The following NF1 variants were observed in gnomAD, a reference collection of about 807,000 sequenced individuals.
NF1 encodes the protein neurofibromin 1, also known as neurofibromin.
NF1 carries 122 observed loss-of-function variants against 325.7 expected under a neutral mutation model. That is an observed-to-expected ratio of 0.37 (90% CI 0.32 to 0.44). The LOEUF is 0.44. Ranked by LOEUF, NF1 falls within the 20% of genes least tolerant of loss-of-function variation. NF1 has a pLI of 1.00. For missense variants in NF1, 2,140 were observed against 3,415.4 expected (o/e 0.63, Z 9.31); for synonymous variants, 1,091 against 1,186.0 (o/e 0.92, Z 1.65).
intron 36 of NF1, among the ~76,000 whole-genome samples, chr17:31,282,227 A>G (rs1960756953): frequency 6.6e-6 from 1 of 151,846 alleles, no homozygotes; most frequent in African/African-American, 2.4e-5. Flanking sequence ...CTAAAAATAC[A>G]AAAAATCAGC....
At chr17:31,313,844 A>G (rs1268890412) in intron 36 of NF1, 5 of 389,152 alleles carry the variant, frequency 1.3e-5, no homozygotes, top group East Asian at 3.7e-5. Context: ...TTTTAATTCT[A>G]TGCAACAAAA....
intron 29 of NF1, among the ~76,000 whole-genome samples, chr17:31,243,102 C>G (rs1305115569): frequency 6.6e-6 from 1 of 152,098 alleles, no homozygotes; most frequent in Admixed American, 6.5e-5. Context: ...GGAGAATTCC[C>G]TGGGTTATCA....
chr17:31,305,982 G>T, intron 36 of NF1, among the ~76,000 whole-genome samples: 1 of 152,046 alleles, frequency 6.6e-6, no homozygotes, highest in East Asian at 1.9e-4. Flanking sequence ...CTATATGCTG[G>T]ATCCATGTGT....
intron 42 of NF1, 143 bp downstream of exon 42, chr17:31,337,057 C>A: frequency 3.5e-6 from 3 of 853,814 alleles, no homozygotes; most frequent in Non-Finnish European, 5.4e-6. Flanking sequence ...GAAATATTAC[C>A]AAAAAGAAAA....
At chr17:31,215,225 C>T (rs2066799905) in intron 13 of NF1, among the ~76,000 whole-genome samples, 1 of 152,192 alleles carries the variant, frequency 6.6e-6, no homozygotes, top group South Asian at 2.1e-4. Flanking sequence ...AAGCCATCCT[C>T]CAGCCTCGGC....
chr17:31,248,127 G>A (rs1235234854), intron 29 of NF1, among the ~76,000 whole-genome samples: 1 of 151,948 alleles, frequency 6.6e-6, no homozygotes, highest in African/African-American at 2.4e-5. Flanking sequence ...ACTTGAACCC[G>A]GGAGGCGGAG....
At chr17:31,351,695 C>T (rs2074446515) in intron 50 of NF1, among the ~76,000 whole-genome samples, 1 of 152,200 alleles carries the variant, frequency 6.6e-6, no homozygotes, top group South Asian at 2.1e-4. Context: ...GGATTACAGG[C>T]GTGAGCCACA....
chr17:31,154,842 C>T (rs1917215611), intron 1 of NF1, among the ~76,000 whole-genome samples: 1 of 150,620 alleles, frequency 6.6e-6, no homozygotes, highest in Non-Finnish European at 1.5e-5. Context: ...TGGGTTCATG[C>T]CATTCTCCTG....
chr17:31,190,603 G>A (rs1212019093), intron 8 of NF1, among the ~76,000 whole-genome samples: 4 of 152,164 alleles, frequency 2.6e-5, no homozygotes, highest in Non-Finnish European at 4.4e-5. Flanking sequence ...TGGATATTCA[G>A]ATGTTTTCAG....
chr17:31,242,034 T>C (rs185278684), intron 29 of NF1, among the ~76,000 whole-genome samples: 60 of 152,146 alleles, frequency 3.9e-4, no homozygotes, highest in Admixed American at 3.4e-3. Context: ...TTTTTTTTTT[T>C]CTTTATCACT....
At chr17:31,189,840 CA>C (rs1161284101) in intron 8 of NF1, among the ~76,000 whole-genome samples, 1 of 146,746 alleles carries the variant, frequency 6.8e-6, no homozygotes, top group Non-Finnish European at 1.5e-5. Context: ...CCGCTTAGTG[CA>C]ACCCCCGCCT....
chr17:31,123,457 T>C (rs1157859062), intron 1 of NF1, among the ~76,000 whole-genome samples: 3 of 152,242 alleles, frequency 2.0e-5, no homozygotes, highest in Non-Finnish European at 4.4e-5. Context: ...GGTTGATGGC[T>C]TTTTATTTTG....
chr17:31,145,650 G>A (rs1476846955), intron 1 of NF1, among the ~76,000 whole-genome samples: 1 of 151,966 alleles, frequency 6.6e-6, no homozygotes, highest in Non-Finnish European at 1.5e-5. Flanking sequence ...CTGTTAGTAG[G>A]AGCCTGGGGG....
At chr17:31,201,752 G>A (rs1173003429) in intron 11 of NF1, among the ~76,000 whole-genome samples, 1 of 152,134 alleles carries the variant, frequency 6.6e-6, no homozygotes, top group African/African-American at 2.4e-5. Context: ...GTTTTATTCA[G>A]ATCAGAAGCC....
At position 31,219,097 on chromosome 17, in the gene NF1, G is replaced by T. The variant is rs766748586; in HGVS notation, c.1620G>T (p.Glu540Asp). The change falls in exon 14 of 58, where the codon GAG becomes GAT. Residue 540 changes from glutamate (E) to aspartate (D), a missense_variant. Physicochemically the swap from Glu to Asp is conservative, Grantham distance 45. Around this residue, in one of 10 missense-constraint regions of NF1, gnomAD observed 179 missense variants for 381.0 expected, o/e 0.47. Transcript: ENST00000358273. ...VQLVPQSHMP[E>D]IAQEAMEALL... ...TGGTCCCTCAGTCACACATGCCAGAGATTGCTCAGGAAGCAATGGAGGTAA... is the reference window on the plus strand; with the variant it reads ...TGGTCCCTCAGTCACACATGCCAGATATTGCTCAGGAAGCAATGGAGGTAA... 6 of 1,613,654 alleles carry T rather than the reference G, an allele frequency of 3.7e-6. No homozygotes were observed. In the Admixed American group the frequency reaches 1.0e-4, roughly 27 times the overall value.
intron 20 of NF1, 85 bp downstream of exon 20, chr17:31,227,691 AG>A: frequency 8.3e-7 from 1 of 1,208,760 alleles, no homozygotes; most frequent in Non-Finnish European, 1.2e-6. Context: ...AGAGTCGCTC[AG>A]TAAAGTAAAC....
At chr17:31,248,220 C>CCACAA (rs2067432337) in intron 29 of NF1, among the ~76,000 whole-genome samples, 2 of 126,196 alleles carry the variant, frequency 1.6e-5, no homozygotes, top group African/African-American at 6.1e-5. Context: ...CACCCCCCAC[C>CCACAA]AAAAAAAAAA....
In NF1 at chr17:31,258,450, T is replaced by G. The variant is rs1177433867; in HGVS notation, c.4280T>G (p.Leu1427Ter). Reference sequence around the variant, plus strand: ...GTCTCACCGTATGAAGCAGGGATTTTAGATAAAAAGCCACCACCTAGAATC... The same window carrying G: ...GTCTCACCGTATGAAGCAGGGATTTGAGATAAAAAGCCACCACCTAGAATC... ...AIVSPYEAGILDKKPPPRIER... is the reference protein window; with the variant it reads ...AIVSPYEAGI The change falls in exon 32 of 58, where the codon TTA becomes TGA. Residue 1427 changes from leucine to a stop codon, truncating the protein, a stop_gained. Coordinates refer to ENST00000358273, the MANE Select transcript of NF1 (RefSeq NM_001042492.3). LOFTEE classifies it high-confidence loss of function. 1 of 1,614,038 alleles carries G rather than the reference T, an allele frequency of 6.2e-7. No individual in the cohort carries two copies. The highest frequency in any genetic ancestry group is 8.5e-7 in the Non-Finnish European group (1 of 1,179,926).
intron 1 of NF1, among the ~76,000 whole-genome samples, chr17:31,154,785 G>A (rs1917209514): frequency 7.1e-6 from 1 of 140,772 alleles, no homozygotes. Flanking sequence ...CGATCGCCAG[G>A]CTGGAGTGCA....
Sources: gnomAD v4.1 joint callset for allele counts (sites outside exome capture counted in the v4.1 genomes callset) on GRCh38, gnomAD v4.1.1 for gene constraint, gnomAD v4.1.1 regional missense constraint, MANE v1.5 for transcripts, NCBI Gene and HGNC (gene_info 2026-07-23, HGNC 2026-07-21) for gene names.